Variants in ACADSB observed in about 807,000 individuals in gnomAD.
ACADSB encodes the protein acyl-CoA dehydrogenase short/branched chain, also known as short/branched chain specific acyl-CoA dehydrogenase, mitochondrial.
A neutral mutation model predicts 54.1 loss-of-function variants in ACADSB; 40 were observed. The observed-to-expected ratio is 0.74, with a 90% confidence interval of 0.57 to 0.96. The LOEUF (loss-of-function observed/expected upper bound fraction) is 0.96. Among genes scored for constraint, ACADSB ranks in the 40% least tolerant of loss-of-function variants. The pLI, the probability that ACADSB is intolerant of heterozygous loss-of-function variation, is 0.00. For missense variants in ACADSB, 530 were observed against 510.4 expected (o/e 1.04, Z -0.37); for synonymous variants, 182 against 182.8 (o/e 1.00, Z 0.03).
At chr10:123,021,305 TAA>T (rs1482621563) in intron 1 of ACADSB, among the ~76,000 whole-genome samples, 1 of 152,238 alleles carries the variant, frequency 6.6e-6, no homozygotes, top group Non-Finnish European at 1.5e-5. Flanking sequence ...AAATTTTTGT[TAA>T]AGAGTACATC....
intron 5 of ACADSB, among the ~76,000 whole-genome samples, chr10:123,042,414 ACAGTATTTT>A (rs1850487156): frequency 6.6e-6 from 1 of 152,146 alleles, no homozygotes; most frequent in South Asian, 2.1e-4. Flanking sequence ...ACCAGTAAAT[ACAGTATTTT>A]CACTAATGTA....
At position 123,055,169 on chromosome 10, in the gene ACADSB, T is replaced by C. The variant is rs1850689459; in HGVS notation, c.*1404T>C. 6.1e-6 allele frequency: 1 copy of C among 164,546 alleles called. No homozygotes were observed. The highest frequency in any genetic ancestry group is 1.8e-4 in the East Asian group (1 of 5,652). 10.2% of individuals were successfully genotyped at this position (164,546 alleles called of 1,614,324 possible). ...TGTTTTCACGCTGCTGATAAAGACATACCTGAGACCAGGAAGAAAAAGAGG... is the reference window on the plus strand; with the variant it reads ...TGTTTTCACGCTGCTGATAAAGACACACCTGAGACCAGGAAGAAAAAGAGG... On this transcript the variant is annotated 3_prime_UTR_variant, in exon 11 of 11. Coordinates refer to ENST00000358776, the MANE Select transcript of ACADSB (RefSeq NM_001609.4).
chr10:123,047,434 G>T (rs1025726039), intron 8 of ACADSB, 136 bp downstream of exon 8: 15 of 676,220 alleles, frequency 2.2e-5, no homozygotes, highest in Non-Finnish European at 3.9e-5. Context: ...GAAAGAATAG[G>T]TCTCAGGGAG....
At chr10:123,024,944 T>C (rs1850231795) in intron 1 of ACADSB, among the ~76,000 whole-genome samples, 1 of 152,094 alleles carries the variant, frequency 6.6e-6, no homozygotes, top group South Asian at 2.1e-4. Context: ...AACCCTTAGG[T>C]TCCCTGCCTC....
At chr10:123,009,331 G>A (rs1053113628) in intron 1 of ACADSB, among the ~76,000 whole-genome samples, 1 of 152,256 alleles carries the variant, frequency 6.6e-6, no homozygotes. Context: ...GAGTCGGAGG[G>A]TCGCGTCCGC....
At chr10:123,026,726 G>GAA (rs72138057) in intron 1 of ACADSB, among the ~76,000 whole-genome samples, 4 of 148,456 alleles carry the variant, frequency 2.7e-5, no homozygotes, top group African/African-American at 9.9e-5. Flanking sequence ...ATTGCTAAAT[G>GAA]AAAAAAAAAA....
chr10:123,041,246 G>A lies in ACADSB; in HGVS notation c.548G>A (p.Ser183Asn). 1.2e-6 allele frequency: 2 copies of A among 1,614,156 alleles called. No individual in the cohort carries two copies. The highest frequency in any genetic ancestry group is 1.7e-6 in the Non-Finnish European group (2 of 1,180,022). Residue 183 changes from serine to asparagine, a missense_variant, in exon 5 of 11, where the codon AGT becomes AAT. Ser to Asn is a conservative substitution (Grantham distance 46, BLOSUM62 1). Transcript: ENST00000358776. ...TGCCTTTCAGAGGCTGGAGCAGGTA[G>A]TGACTCATTTGCTTTGAAGACCAGA... is the stretch of plus-strand genomic sequence containing the variant. Reference protein sequence around the residue: ...SFCLSEAGAGSDSFALKTRAD... With the variant: ...SFCLSEAGAGNDSFALKTRAD...
chr10:123,030,138 C>T (rs534852047), intron 1 of ACADSB, among the ~76,000 whole-genome samples: 2 of 152,212 alleles, frequency 1.3e-5, no homozygotes, highest in Non-Finnish European at 2.9e-5. Context: ...GGGACACATG[C>T]AAACCATGTC....
Position 123,009,046 on chromosome 10 carries a change from TGCGGTTGCTGCGCGGCAGCAG to T in ACADSB, c.20_40del (p.Arg7_Arg13del), listed in dbSNP as rs1279111863. ...GCGGCGAGGATGGAGGGCCTGGCAG[TGCGGTTGCTGCGCGGCAGCAG>T]GCTGGTGAGTGCGTTCGAGGCTGGC... On this transcript the variant is annotated inframe_deletion, in exon 1 of 11. Coordinates refer to ENST00000358776, the MANE Select transcript of ACADSB (RefSeq NM_001609.4). The T allele has an allele frequency of 1.3e-6, 2 of 1,547,708 alleles. No individual in the cohort carries two copies. Among genetic ancestry groups the T allele is most frequent in the African/African-American group, 2.7e-5 (2 of 73,014 alleles).
In ACADSB at chr10:123,054,153, A is replaced by G. The variant is rs1465694848; in HGVS notation, c.*388A>G. On this transcript the variant is annotated 3_prime_UTR_variant, in exon 11 of 11. Coordinates refer to ENST00000358776, the MANE Select transcript of ACADSB (RefSeq NM_001609.4). ...GTGATTCTCATGCCTCATCCTCCCAAGTAGCTGGAACTACAGGTGTGCACC... is the reference window on the plus strand; with the variant it reads ...GTGATTCTCATGCCTCATCCTCCCAGGTAGCTGGAACTACAGGTGTGCACC... The G allele has an allele frequency of 8.3e-6, 2 of 240,536 alleles. No homozygotes were observed. Among genetic ancestry groups the G allele is most frequent in the Non-Finnish European group, 1.7e-5 (2 of 120,740 alleles). The allele number at this position is 240,536 out of a possible 1,614,324, so 14.9% of individuals were successfully genotyped here.
rs1459290535 is a variant in ACADSB at position 123,052,510 on chromosome 10, A to G, written c.1129-551A>G. ...ACAGCCACCCAGATAATTCAGGGTA[A>G]TCTCTCCATCTCGTGTCCTTACCCA... On this transcript the variant is annotated intron_variant, in intron 9 of 10. Transcript: ENST00000358776. The surrounding 1 kb of genome is among the most constrained non-coding windows in gnomAD (Gnocchi z 4.2). 1.3e-5 allele frequency among the ~76,000 whole-genome samples: 2 copies of G among 152,154 alleles called. No homozygotes were observed. The highest frequency in any genetic ancestry group is 2.9e-5 in the Non-Finnish European group (2 of 68,022).
chr10:123,053,581 T>A (rs1375254519), intron 10 of ACADSB, 114 bp from the exon 11 acceptor site: 2 of 876,712 alleles, frequency 2.3e-6, no homozygotes, highest in Non-Finnish European at 3.9e-6. Context: ...GGACATGAAG[T>A]GATGTGACTA....
chr10:123,045,471 C>T (rs978337101), intron 7 of ACADSB, among the ~76,000 whole-genome samples: 5 of 151,884 alleles, frequency 3.3e-5, no homozygotes, highest in East Asian at 1.9e-4. Flanking sequence ...TGAGCCACCG[C>T]GCCCGGCGTT....
chr10:123,049,916 A>T (rs1327228486), intron 8 of ACADSB, among the ~76,000 whole-genome samples: 1 of 152,248 alleles, frequency 6.6e-6, no homozygotes, highest in Non-Finnish European at 1.5e-5. Flanking sequence ...TAAGATTGGT[A>T]AGTTTTTTTC....
chr10:123,031,202 T>C (rs1294790089), intron 1 of ACADSB, among the ~76,000 whole-genome samples: 1 of 152,232 alleles, frequency 6.6e-6, no homozygotes, highest in Non-Finnish European at 1.5e-5. Flanking sequence ...ACATTCATAA[T>C]AGAAGGAAAT....
chr10:123,034,256 C>T (rs1278275634), intron 1 of ACADSB, 100 bp from the exon 2 acceptor site: 6 of 1,320,340 alleles, frequency 4.5e-6, no homozygotes, highest in African/African-American at 4.4e-5. Context: ...GTTAAGTTTC[C>T]TTATTTTGGT....
chr10:123,024,678 A>G (rs977259835), intron 1 of ACADSB, among the ~76,000 whole-genome samples: 4 of 152,250 alleles, frequency 2.6e-5, no homozygotes, highest in Admixed American at 1.3e-4. Flanking sequence ...ATGAAGCAAC[A>G]AAAGCAAAGA....
intron 1 of ACADSB, among the ~76,000 whole-genome samples, chr10:123,027,119 A>G (rs1027330966): frequency 5.6e-4 from 86 of 152,288 alleles, no homozygotes; most frequent in African/African-American, 2.0e-3. Flanking sequence ...GTTTTTGAAA[A>G]TCATAAGATG....
intron 1 of ACADSB, among the ~76,000 whole-genome samples, chr10:123,025,379 A>G (rs950368088): frequency 1.3e-5 from 2 of 152,138 alleles, no homozygotes; most frequent in Non-Finnish European, 2.9e-5. Flanking sequence ...TGGGAGGATC[A>G]TCTGAGTCCG....
Sources: gnomAD v4.1 joint callset for allele counts (sites outside exome capture counted in the v4.1 genomes callset) on GRCh38, gnomAD v4.1.1 for gene constraint, Gnocchi (gnomAD v3.1) non-coding constraint, MANE v1.5 for transcripts, NCBI Gene and HGNC (gene_info 2026-07-23, HGNC 2026-07-21) for gene names.